SNX29: variants seen among roughly 807,000 people sequenced by gnomAD.
SNX29 encodes the protein sorting nexin 29.
Under a neutral mutation model 102.1 loss-of-function variants are expected in SNX29, and 78 were observed. The ratio of observed to expected loss-of-function variants is 0.76; its 90% CI spans 0.64 to 0.92. SNX29 has a LOEUF of 0.92. Ranked by LOEUF, SNX29 falls within the 40% of genes least tolerant of loss-of-function variation. The pLI, the probability that SNX29 is intolerant of heterozygous loss-of-function variation, is 0.00. For missense variants in SNX29, 1,280 were observed against 1,061.7 expected, an observed-to-expected ratio of 1.21 and a Z score of -2.86; for synonymous variants, 580 against 414.5, an observed-to-expected ratio of 1.40 and a Z score of -4.85.
intron 13 of SNX29, among the ~76,000 whole-genome samples, chr16:12,182,553 A>G (rs1427888384): frequency 6.6e-6 from 1 of 152,144 alleles, no homozygotes; most frequent in African/African-American, 2.4e-5. Context: ...CACTCAGGGT[A>G]GTACTGAGGT....
intron 19 of SNX29, among the ~76,000 whole-genome samples, chr16:12,513,232 C>T (rs1050758371): frequency 6.6e-6 from 1 of 150,900 alleles, no homozygotes; most frequent in Non-Finnish European, 1.5e-5. Context: ...CTTTCTCCTG[C>T]CCTGCTTGTT....
In SNX29 at chr16:12,097,734, A is replaced by G. The variant is rs77169794; in HGVS notation, c.1402+18819A>G. ...GGCTATCTCAGCTGGGCCAGGCAGCAGCTTATGTAACCGTTTGATGCAATT... is the reference window on the plus strand; with the variant it reads ...GGCTATCTCAGCTGGGCCAGGCAGCGGCTTATGTAACCGTTTGATGCAATT... On this transcript the variant is annotated intron_variant, in intron 11 of 20. Transcript: ENST00000566228. Among the ~76,000 whole-genome samples, 1,234 of 152,306 alleles carry G rather than the reference A, an allele frequency of 8.1e-3. 17 individuals are homozygous for G. The highest frequency in any genetic ancestry group is 0.028 in the African/African-American group (1,177 of 41,560).
chr16:12,396,616 G>T (rs1176501378), intron 16 of SNX29, among the ~76,000 whole-genome samples: 2 of 152,190 alleles, frequency 1.3e-5, no homozygotes, highest in Non-Finnish European at 2.9e-5. Context: ...CCACATGGAT[G>T]AAAAGAGGAG....
rs188027853 is a variant in SNX29, at chr16:12,539,090, C to G, written c.2318+14249C>G. ...GATAGGGCCAAGTTTAATAGATTGC[C>G]CAGAGTCCTACTTGCCTTTACTTTC... On this transcript the variant is annotated intron_variant, in intron 20 of 20. Coordinates refer to ENST00000566228, the MANE Select transcript of SNX29 (RefSeq NM_032167.5). Among the ~76,000 whole-genome samples the G allele has an allele frequency of 8.3e-4, 126 of 152,260 alleles. 1 individual carries two copies. Among genetic ancestry groups the G allele is most frequent in the Admixed American group, 1.2e-3 (19 of 15,300 alleles).
intron 19 of SNX29, among the ~76,000 whole-genome samples, chr16:12,489,569 C>T (rs1345753474): frequency 6.6e-6 from 1 of 152,214 alleles, no homozygotes; most frequent in Non-Finnish European, 1.5e-5. Context: ...ACACTGACAG[C>T]ATGGGCTGTG....
intron 13 of SNX29, among the ~76,000 whole-genome samples, chr16:12,179,755 C>G (rs1000608749): frequency 6.6e-6 from 1 of 152,142 alleles, no homozygotes; most frequent in Non-Finnish European, 1.5e-5. Context: ...CACGTTGTTA[C>G]TAGTTTGTGC....
At chr16:12,053,609 C>A (rs181867343) in intron 8 of SNX29, among the ~76,000 whole-genome samples, 6 of 151,836 alleles carry the variant, frequency 4.0e-5, no homozygotes, top group South Asian at 2.1e-4. Flanking sequence ...ATTGTTTAGG[C>A]TGCAGTATAC....
At chr16:12,477,170 C>T (rs1309096915) in intron 18 of SNX29, among the ~76,000 whole-genome samples, 1 of 152,152 alleles carries the variant, frequency 6.6e-6, no homozygotes, top group Non-Finnish European at 1.5e-5. Context: ...TTATGCTTAT[C>T]CCATCTGGAC....
rs888131051 is a variant in SNX29 at position 12,570,194 on chromosome 16, G to A, written c.*1565G>A. On this transcript the variant is annotated 3_prime_UTR_variant, in exon 21 of 21. Coordinates refer to ENST00000566228, the MANE Select transcript of SNX29 (RefSeq NM_032167.5). ...CCAGAGAAACCGAGTCAGCCTACAT[G>A]ACTTCCAAGGGGACCTGGGGCCAGA... is the stretch of plus-strand genomic sequence containing the variant. 19 of 1,065,374 alleles carry A rather than the reference G, an allele frequency of 1.8e-5. No individual in the cohort carries two copies. The highest frequency in any genetic ancestry group is 4.5e-5 in the South Asian group (1 of 22,006). The allele number at this position is 1,065,374 out of a possible 1,614,324, so 66.0% of individuals were successfully genotyped here. A position where few individuals can be genotyped will look rare whatever the true frequency, so the allele number is the denominator to read the frequency against.
chr16:12,550,182 CATT>C (rs1002124950), intron 20 of SNX29, among the ~76,000 whole-genome samples: 11 of 152,208 alleles, frequency 7.2e-5, no homozygotes, highest in Admixed American at 5.2e-4. Context: ...ATCTCCATGA[CATT>C]ATTACTAAGA....
At chr16:12,329,664 G>T (rs1274004228) in intron 15 of SNX29, among the ~76,000 whole-genome samples, 1 of 152,214 alleles carries the variant, frequency 6.6e-6, no homozygotes, top group Non-Finnish European at 1.5e-5. Context: ...CATGCCAGCT[G>T]CTAAGCATGT....
intron 13 of SNX29, among the ~76,000 whole-genome samples, chr16:12,168,629 C>T (rs2076072311): frequency 1.3e-5 from 2 of 152,192 alleles, no homozygotes; most frequent in South Asian, 4.1e-4. Context: ...TTTCTGGAGC[C>T]AGCCTACTGT....
intron 16 of SNX29, among the ~76,000 whole-genome samples, chr16:12,359,575 T>C (rs1469297127): frequency 1.3e-5 from 2 of 152,216 alleles, no homozygotes; most frequent in Non-Finnish European, 1.5e-5. Flanking sequence ...AATCATTCAC[T>C]TTAAAAGTAG....
At chr16:12,499,547 C>T (rs926204633) in intron 19 of SNX29, among the ~76,000 whole-genome samples, 25 of 152,316 alleles carry the variant, frequency 1.6e-4, no homozygotes, top group East Asian at 1.2e-3. Flanking sequence ...CTGTCATTTG[C>T]CTGATGGTTT....
At chr16:12,127,891 T>G (rs2054286880) in intron 12 of SNX29, among the ~76,000 whole-genome samples, 1 of 152,172 alleles carries the variant, frequency 6.6e-6, no homozygotes, top group South Asian at 2.1e-4. Context: ...AGGGCTTACC[T>G]GCAGTTACCC....
intron 19 of SNX29, among the ~76,000 whole-genome samples, chr16:12,481,593 G>A (rs906718707): frequency 2.0e-5 from 3 of 151,284 alleles, no homozygotes; most frequent in African/African-American, 7.3e-5. Context: ...GGAGTGCAGT[G>A]GCACAATTTC....
chr16:12,381,655 ACCCACCCAC>A (rs1377063744), intron 16 of SNX29, among the ~76,000 whole-genome samples: 1 of 1,426 alleles, frequency 7.0e-4, no homozygotes, highest in Non-Finnish European at 1.3e-3. Flanking sequence ...CTATCCACCC[ACCCACCCAC>A]CCCACCCATC....
At chr16:12,146,351 C>T (rs1597039275) in intron 13 of SNX29, among the ~76,000 whole-genome samples, 1 of 152,118 alleles carries the variant, frequency 6.6e-6, no homozygotes, top group South Asian at 2.1e-4. Context: ...CTGCAACCCC[C>T]ACCTTCCAGG....
At chr16:12,442,348 A>G (rs2151676138) in intron 18 of SNX29, among the ~76,000 whole-genome samples, 1 of 152,206 alleles carries the variant, frequency 6.6e-6, no homozygotes, top group Non-Finnish European at 1.5e-5. Context: ...TGGAATCAGG[A>G]AGTGTCTATT....
Sources: allele counts gnomAD v4.1 joint callset (sites outside exome capture counted in the v4.1 genomes callset), GRCh38; gene constraint gnomAD v4.1.1; transcripts MANE v1.5; gene names NCBI Gene and HGNC (gene_info 2026-07-23, HGNC 2026-07-21).